The following ACBD6 variants were observed in gnomAD, a reference collection of about 807,000 sequenced individuals.
ACBD6 encodes the protein acyl-CoA binding domain containing 6.
A neutral mutation model predicts 37.2 loss-of-function variants in ACBD6; 28 were observed. The observed-to-expected ratio is 0.75, with a 90% CI of 0.56 to 1.03. The LOEUF is 1.03. ACBD6 is among the 50% of genes least tolerant of loss of function. ACBD6 has a pLI of 0.00. For missense variants in ACBD6, 340 were observed against 337.4 expected (o/e 1.01, Z -0.06); for synonymous variants, 113 against 126.8 (o/e 0.89, Z 0.73).
chr1:180,447,465 T>C (rs141693575), intron 3 of ACBD6, among the ~76,000 whole-genome samples: 48 of 152,322 alleles, frequency 3.2e-4, no homozygotes, highest in African/African-American at 1.1e-3. Context: ...ATAAATATTA[T>C]ATTACTCTTG....
At chr1:180,449,129 ACTAT>A (rs1390303668) in intron 3 of ACBD6, among the ~76,000 whole-genome samples, 2 of 152,260 alleles carry the variant, frequency 1.3e-5, no homozygotes, top group East Asian at 1.9e-4. Flanking sequence ...TCTCCATGCA[ACTAT>A]CTTAGTTGCA....
intron 4 of ACBD6, among the ~76,000 whole-genome samples, chr1:180,415,337 C>T (rs566252859): frequency 1.3e-5 from 2 of 151,770 alleles, no homozygotes; most frequent in South Asian, 4.1e-4. Flanking sequence ...GCAGAGGTTG[C>T]AGTGAGCCGA....
chr1:180,382,591 C>T (rs575804411), intron 6 of ACBD6, among the ~76,000 whole-genome samples: 1 of 152,254 alleles, frequency 6.6e-6, no homozygotes, highest in East Asian at 1.9e-4. Flanking sequence ...AAGTCCAGGA[C>T]TGGATGGCTT....
At chr1:180,361,865 T>A (rs1020156270) in intron 6 of ACBD6, among the ~76,000 whole-genome samples, 17 of 152,220 alleles carry the variant, frequency 1.1e-4, no homozygotes, top group Non-Finnish European at 2.1e-4. Context: ...TATTTTGCTG[T>A]ATTTATTGAA....
chr1:180,479,451 T>C (rs1650936873), intron 3 of ACBD6, among the ~76,000 whole-genome samples: 1 of 151,526 alleles, frequency 6.6e-6, no homozygotes, highest in African/African-American at 2.4e-5. Context: ...TTTGATCACA[T>C]GGAGGTAGAG....
intron 3 of ACBD6, among the ~76,000 whole-genome samples, chr1:180,460,826 G>T (rs958731836): frequency 6.6e-6 from 1 of 152,194 alleles, no homozygotes; most frequent in Admixed American, 6.5e-5. Flanking sequence ...AACTCAAAAA[G>T]CCAGAGGGGC....
intron 6 of ACBD6, among the ~76,000 whole-genome samples, chr1:180,390,721 C>A (rs1250310489): frequency 6.6e-6 from 1 of 152,102 alleles, no homozygotes; most frequent in Non-Finnish European, 1.5e-5. Flanking sequence ...TCCTTCACGT[C>A]CCTTGTAAGT....
At chr1:180,456,834 A>G (rs1046817161) in intron 3 of ACBD6, among the ~76,000 whole-genome samples, 2 of 151,904 alleles carry the variant, frequency 1.3e-5, no homozygotes, top group African/African-American at 4.8e-5. Context: ...GGCTCAAGTG[A>G]TCCTCCTGCC....
intron 6 of ACBD6, among the ~76,000 whole-genome samples, chr1:180,349,871 G>A (rs1375248621): frequency 6.6e-6 from 1 of 151,784 alleles, no homozygotes; most frequent in East Asian, 1.9e-4. Context: ...CTCAAGTCTT[G>A]AAACCTTTAA....
rs547447650 is a variant in ACBD6, at chr1:180,397,718, A to C, written c.574-113T>G. 3.1e-4 allele frequency: 283 copies of C among 908,468 alleles called. 1 individual carries two copies. The African/African-American group carries it at 3.7e-3, about 12-fold the overall frequency. 56.3% of individuals were successfully genotyped at this position (908,468 alleles called of 1,614,324 possible). On this transcript the variant is annotated intron_variant, in intron 5 of 7. Transcript: ENST00000367595. Reference sequence around the variant, plus strand: ...AAAAAATTATGGGTTAATTATTCTAAGAATGATTGATATAAAAAATGCACT... The same window carrying C: ...AAAAAATTATGGGTTAATTATTCTACGAATGATTGATATAAAAAATGCACT...
chr1:180,354,272 C>T (rs1317279026), intron 6 of ACBD6, among the ~76,000 whole-genome samples: 1 of 152,212 alleles, frequency 6.6e-6, no homozygotes, highest in African/African-American at 2.4e-5. Flanking sequence ...ACACAATCTG[C>T]TTCTACAGCT....
intron 6 of ACBD6, among the ~76,000 whole-genome samples, chr1:180,377,986 C>A (rs1653503075): frequency 1.7e-5 from 2 of 118,580 alleles, no homozygotes; most frequent in Admixed American, 8.7e-5. Flanking sequence ...TAATAATAGC[C>A]ATAAGTTTGA....
intron 6 of ACBD6, among the ~76,000 whole-genome samples, chr1:180,387,624 G>A (rs932019110): frequency 1.3e-5 from 2 of 152,200 alleles, no homozygotes; most frequent in Admixed American, 1.3e-4. Flanking sequence ...TGATGGGGAA[G>A]AGAAGCACTG....
At chr1:180,455,679 T>C (rs1030407212) in intron 3 of ACBD6, among the ~76,000 whole-genome samples, 1 of 152,182 alleles carries the variant, frequency 6.6e-6, no homozygotes, top group South Asian at 2.1e-4. Context: ...ATTACTTTAA[T>C]AGGTAATCCC....
intron 6 of ACBD6, among the ~76,000 whole-genome samples, chr1:180,321,687 T>G (rs1195791601): frequency 6.6e-6 from 1 of 152,084 alleles, no homozygotes; most frequent in African/African-American, 2.4e-5. Context: ...AAAAAAGAAA[T>G]GCTACTGATT....
At chr1:180,320,762 G>C (rs1651039875) in intron 6 of ACBD6, among the ~76,000 whole-genome samples, 1 of 152,066 alleles carries the variant, frequency 6.6e-6, no homozygotes, top group African/African-American at 2.4e-5. Context: ...TCACTTTGTT[G>C]ATTGTTTCCT....
rs946728090 is a variant in ACBD6 at position 180,495,535 on chromosome 1, G to A, written c.223-10C>T. ...AATTTCCAACTTTGACCTAAATGAGGGAAGGAAAATCAAGAACTTATTTTT... is the reference window on the plus strand; with the variant it reads ...AATTTCCAACTTTGACCTAAATGAGAGAAGGAAAATCAAGAACTTATTTTT... On this transcript the variant is annotated splice_polypyrimidine_tract_variant and intron_variant, in intron 1 of 7. Transcript: ENST00000367595. The A allele has an allele frequency of 1.2e-6, 2 of 1,601,078 alleles. No homozygotes were observed. Among genetic ancestry groups the A allele is most frequent in the Non-Finnish European group, 8.6e-7 (1 of 1,169,416 alleles).
At chr1:180,328,221 A>G (rs1255203600) in intron 6 of ACBD6, among the ~76,000 whole-genome samples, 1 of 151,912 alleles carries the variant, frequency 6.6e-6, no homozygotes, top group African/African-American at 2.4e-5. Flanking sequence ...TAAGATACAT[A>G]CATATATACA....
At chr1:180,314,627 AGTTGAAATAAACAAATAGAGAATAT>A in intron 7 of ACBD6, 40 bp downstream of exon 7, 2 of 1,337,986 alleles carry the variant, frequency 1.5e-6, no homozygotes, top group Admixed American at 1.7e-5. Context: ...GAATGGACAA[AGTTGAAATAAACAAATAGAGAATAT>A]GTTCAAATAT....
Sources: gnomAD v4.1 joint callset for allele counts (sites outside exome capture counted in the v4.1 genomes callset) on GRCh38, gnomAD v4.1.1 for gene constraint, MANE v1.5 for transcripts, NCBI Gene and HGNC (gene_info 2026-07-23, HGNC 2026-07-21) for gene names.